RAD17: variants seen among roughly 807,000 people sequenced by gnomAD.
RAD17 encodes RAD17 checkpoint clamp loader component.
A neutral mutation model predicts 81.5 loss-of-function variants in RAD17; 31 were observed. The ratio of observed to expected loss-of-function variants is 0.38; its 90% CI spans 0.29 to 0.51. The LOEUF is 0.51. Ranked by LOEUF, RAD17 falls within the 20% of genes least tolerant of loss-of-function variation. RAD17 has a pLI of 0.88. For synonymous variants in RAD17, 261 were observed against 266.2 expected (o/e 0.98, Z 0.19); for missense variants, 681 against 781.2 (o/e 0.87, Z 1.53).
At chr5:69,373,737 A>G in intron 4 of RAD17, 93 bp from the exon 5 acceptor site, 1 of 823,684 alleles carries the variant, frequency 1.2e-6, no homozygotes, top group Non-Finnish European at 1.9e-6. Flanking sequence ...GGTTATAAAT[A>G]TATGAATATG....
intron 3 of RAD17, 23 bp from the exon 4 acceptor site, chr5:69,372,011 G>C (rs2150761046): frequency 8.5e-7 from 1 of 1,182,770 alleles, no homozygotes; most frequent in East Asian, 3.0e-5. Context: ...TAACTTTGCT[G>C]TTTATCTTTC....
At chr5:69,372,890 G>A (rs894811224) in intron 4 of RAD17, among the ~76,000 whole-genome samples, 1 of 152,120 alleles carries the variant, frequency 6.6e-6, no homozygotes, top group African/African-American at 2.4e-5. Flanking sequence ...AATTATAGGT[G>A]TGAGCTACCA....
At chr5:69,384,258 A>G (rs1434667468) in intron 7 of RAD17, 2 of 152,370 alleles carry the variant, frequency 1.3e-5, no homozygotes, top group African/African-American at 4.8e-5. Context: ...CCACAGTCAT[A>G]GATATTTTTA....
intron 4 of RAD17, among the ~76,000 whole-genome samples, chr5:69,372,624 T>G (rs1763076268): frequency 6.6e-6 from 1 of 152,132 alleles, no homozygotes; most frequent in South Asian, 2.1e-4. Context: ...GCAAAATTTT[T>G]TTTTTGAGAC....
intron 6 of RAD17, among the ~76,000 whole-genome samples, chr5:69,376,714 T>C (rs917557524): frequency 1.3e-5 from 2 of 152,126 alleles, no homozygotes; most frequent in Non-Finnish European, 2.9e-5. Flanking sequence ...AACCTTGAGA[T>C]GAAGGAGTTG....
chr5:69,391,807 G>T (rs751361726), intron 12 of RAD17, 24 bp from the exon 13 acceptor site: 1 of 1,369,806 alleles, frequency 7.3e-7, no homozygotes, highest in Non-Finnish European at 9.7e-7. Context: ...TTTAAATATT[G>T]TCACTTGGAT....
intron 16 of RAD17, among the ~76,000 whole-genome samples, chr5:69,398,603 C>G (rs894853016): frequency 6.6e-6 from 1 of 151,746 alleles, no homozygotes; most frequent in Non-Finnish European, 1.5e-5. Flanking sequence ...GTCAGGAGTT[C>G]GAGACCAGCC....
Position 69,371,470 on chromosome 5 carries a change from T to G in RAD17, c.-263T>G. 1 of 736,164 alleles carries G rather than the reference T, an allele frequency of 1.4e-6. No homozygotes were observed. Among genetic ancestry groups the G allele is most frequent in the Non-Finnish European group, 2.0e-6 (1 of 507,600 alleles). 45.6% of individuals were successfully genotyped at this position (736,164 alleles called of 1,614,324 possible). ...CCCCCCCAGGTGAATTATAGTTTAA[T>G]GTACTGCAAGTCCTAAACTACGGAT... On this transcript the variant is annotated 5_prime_UTR_variant, in exon 3 of 19. It removes an upstream start codon present in the reference 5' UTR. Coordinates refer to ENST00000354868, the MANE Select transcript of RAD17 (RefSeq NM_133338.3).
At chr5:69,404,558 A>C (rs908517774) in intron 17 of RAD17, among the ~76,000 whole-genome samples, 1 of 151,972 alleles carries the variant, frequency 6.6e-6, no homozygotes, top group Non-Finnish European at 1.5e-5. Context: ...GCCTGAGGTC[A>C]GGAGATCGAG....
chr5:69,372,023 CT>C lies in RAD17; in HGVS notation c.-175-4del, dbSNP rs1324495606. ...ACTTAACTTTGCTGTTTATCTTTCT[CT>C]TTTTTTCAGTATATGGGAGTCCACA... On this transcript the variant is annotated splice_polypyrimidine_tract_variant and intron_variant, in intron 3 of 18. Transcript: ENST00000354868. 9 of 1,199,426 alleles carry C rather than the reference CT, an allele frequency of 7.5e-6. No individual in the cohort carries two copies. Among genetic ancestry groups the C allele is most frequent in the Non-Finnish European group, 9.7e-6 (9 of 932,438 alleles). The allele number at this position is 1,199,426 out of a possible 1,614,324, so 74.3% of individuals were successfully genotyped here.
intron 15 of RAD17, among the ~76,000 whole-genome samples, chr5:69,394,271 A>AT (rs1764738437): frequency 6.7e-6 from 1 of 149,882 alleles, no homozygotes; most frequent in African/African-American, 2.5e-5. Context: ...CATGTTACCC[A>AT]TGCTGGTCTC....
At chr5:69,400,319 G>C (rs979506039) in intron 17 of RAD17, 150 bp downstream of exon 17, 1 of 442,370 alleles carries the variant, frequency 2.3e-6, no homozygotes. Flanking sequence ...CTGGGTTCAA[G>C]CAATTCTGTT....
chr5:69,397,318 T>G (rs200225764), intron 16 of RAD17, among the ~76,000 whole-genome samples: 1 of 152,100 alleles, frequency 6.6e-6, no homozygotes, highest in East Asian at 1.9e-4. Context: ...ATTTTTGTAT[T>G]TTTAGTAGAG....
chr5:69,400,868 A>T (rs545905232), intron 17 of RAD17, among the ~76,000 whole-genome samples: 1 of 149,552 alleles, frequency 6.7e-6, no homozygotes, highest in Non-Finnish European at 1.5e-5. Flanking sequence ...CAGGAGGTGG[A>T]GGCTGCAGTG....
In RAD17 at chr5:69,414,554, T is replaced by A; in HGVS notation, c.*262T>A. The A allele has an allele frequency of 2.0e-6, 1 of 494,654 alleles. No homozygotes were observed. The highest frequency in any genetic ancestry group is 3.6e-6 in the Non-Finnish European group (1 of 281,274). 30.6% of individuals were successfully genotyped at this position (494,654 alleles called of 1,614,324 possible). On this transcript the variant is annotated 3_prime_UTR_variant, in exon 19 of 19. Transcript: ENST00000354868. ...GAGCGGTCAGTGTGTATAAAGTGTG[T>A]TTGAACATTATGCCAAATATCAAGA...
chr5:69,412,970 G>C (rs972890725), intron 18 of RAD17, among the ~76,000 whole-genome samples: 1 of 108,088 alleles, frequency 9.3e-6, no homozygotes, highest in Non-Finnish European at 2.0e-5. Flanking sequence ...CTGGGTGACA[G>C]AGCAAGACTG....
intron 17 of RAD17, among the ~76,000 whole-genome samples, chr5:69,402,192 C>G (rs1561269958): frequency 6.6e-6 from 1 of 150,998 alleles, no homozygotes; most frequent in East Asian, 2.1e-4. Context: ...GGATTACAGG[C>G]ATGTGCCACA....
intron 13 of RAD17, chr5:69,392,634 T>A (rs770006192): frequency 4.5e-6 from 1 of 219,876 alleles, no homozygotes; most frequent in Non-Finnish European, 9.6e-6. Flanking sequence ...AAAATGGGCA[T>A]CACTTAGGTG....
Position 69,405,352 on chromosome 5 carries a change from C to CA in RAD17, c.1694-5129dup, listed in dbSNP as rs1449313624. Reference sequence around the variant, plus strand: ...CCCATCTCTACTAAAAACACACACACAAAAAAAAAAAACACCAAAAAAACT... The same window carrying CA: ...CCCATCTCTACTAAAAACACACACACAAAAAAAAAAAAACACCAAAAAAACT... On this transcript the variant is annotated intron_variant, in intron 17 of 18. Transcript: ENST00000354868. Among the ~76,000 whole-genome samples the CA allele has an allele frequency of 7.2e-3, 936 of 130,134 alleles. 9 individuals carry two copies. The highest frequency in any genetic ancestry group is 0.02 in the African/African-American group (657 of 33,382). The allele number at this position is 130,134 out of a possible 152,430, so 85.4% of individuals were successfully genotyped here.
Sources: gnomAD v4.1 joint callset for allele counts (sites outside exome capture counted in the v4.1 genomes callset) on GRCh38, gnomAD v4.1.1 for gene constraint, MANE v1.5 for transcripts, NCBI Gene and HGNC (gene_info 2026-07-23, HGNC 2026-07-21) for gene names.